ATP8A1: variants seen among roughly 807,000 people sequenced by gnomAD.
The protein encoded by ATP8A1 is ATPase phospholipid transporting 8A1.
Under a neutral mutation model 177.7 loss-of-function variants are expected in ATP8A1, and 90 were observed. The observed-to-expected ratio is 0.51, with a 90% CI of 0.43 to 0.60. The LOEUF (loss-of-function observed/expected upper bound fraction) is 0.60. ATP8A1 is among the 20% of genes least tolerant of loss of function. ATP8A1 has a pLI of 0.00. For missense variants in ATP8A1, 1,072 were observed against 1,392.8 expected, an observed-to-expected ratio of 0.77 and a Z score of 3.67; for synonymous variants, 493 against 485.9, an observed-to-expected ratio of 1.01 and a Z score of -0.19.
At chr4:42,458,604 T>C (rs939294715) in intron 27 of ATP8A1, among the ~76,000 whole-genome samples, 10 of 152,338 alleles carry the variant, frequency 6.6e-5, no homozygotes, top group African/African-American at 2.4e-4. Flanking sequence ...GCCAAATCTG[T>C]ATTCGTCTGG....
chr4:42,617,513 G>C (rs2109457250), intron 4 of ATP8A1, among the ~76,000 whole-genome samples: 1 of 152,274 alleles, frequency 6.6e-6, no homozygotes, highest in Non-Finnish European at 1.5e-5. Flanking sequence ...TGTAGTTACA[G>C]AACTTTGAAA....
rs1356574731 is a variant in ATP8A1 at position 42,556,058 on chromosome 4, T to C, written c.1341-18A>G. The C allele has an allele frequency of 1.3e-6, 2 of 1,585,486 alleles. No individual in the cohort carries two copies. Among genetic ancestry groups the C allele is most frequent in the Non-Finnish European group, 1.7e-6 (2 of 1,156,540 alleles). ...AGTTCTGCCTGAAGGGGGTAAAAAA[T>C]AGAGTAAACCCAGTTCATTTATACC... On this transcript the variant is annotated intron_variant, in intron 15 of 36. Transcript: ENST00000381668.
Position 42,412,110 on chromosome 4 carries a change from A to G in ATP8A1, c.*806T>C, listed in dbSNP as rs887738362. The G allele has an allele frequency of 5.3e-5, 8 of 152,220 alleles. No homozygotes were observed. Among genetic ancestry groups the G allele is most frequent in the African/African-American group, 1.7e-4 (7 of 41,446 alleles). 9.4% of individuals were successfully genotyped at this position (152,220 alleles called of 1,614,324 possible). On this transcript the variant is annotated 3_prime_UTR_variant, in exon 37 of 37. Coordinates refer to ENST00000381668, the MANE Select transcript of ATP8A1 (RefSeq NM_006095.2). ...TTCATCAGAAATACCTGAAACATAC[A>G]TAGTTTGAAAAATCAGTGTCATAAC...
chr4:42,507,789 A>AC (rs1337252335), intron 22 of ATP8A1, among the ~76,000 whole-genome samples: 3 of 132,480 alleles, frequency 2.3e-5, no homozygotes, highest in African/African-American at 7.9e-5. Context: ...CTAAAAAAAA[A>AC]AAAAAAAAAA....
At chr4:42,524,099 C>T (rs980291430) in intron 21 of ATP8A1, among the ~76,000 whole-genome samples, 1 of 152,166 alleles carries the variant, frequency 6.6e-6, no homozygotes, top group Non-Finnish European at 1.5e-5. Flanking sequence ...AACTGACTCT[C>T]ATGTTTAACA....
intron 1 of ATP8A1, among the ~76,000 whole-genome samples, chr4:42,634,837 T>C (rs552019186): frequency 2.6e-5 from 4 of 152,320 alleles, no homozygotes; most frequent in Non-Finnish European, 5.9e-5. Context: ...ATTCAGATTA[T>C]AACACTTCTA....
chr4:42,564,866 T>C (rs1731197840), intron 15 of ATP8A1, among the ~76,000 whole-genome samples: 1 of 152,154 alleles, frequency 6.6e-6, no homozygotes, highest in Non-Finnish European at 1.5e-5. Flanking sequence ...CCCACCCAAA[T>C]CTCACCTTGA....
chr4:42,421,563 C>T (rs777954109), intron 35 of ATP8A1, among the ~76,000 whole-genome samples: 8 of 152,056 alleles, frequency 5.3e-5, no homozygotes, highest in African/African-American at 1.2e-4. Flanking sequence ...GCACCTGGCA[C>T]GAAGTGAGCG....
chr4:42,457,485 G>T (rs994580199), intron 27 of ATP8A1, among the ~76,000 whole-genome samples: 6 of 152,112 alleles, frequency 3.9e-5, no homozygotes, highest in Admixed American at 2.0e-4. Flanking sequence ...TCCAATTATG[G>T]CCTCTCTAAT....
intron 1 of ATP8A1, 139 bp downstream of exon 1, chr4:42,656,686 C>A: frequency 2.0e-6 from 2 of 1,002,368 alleles, no homozygotes; most frequent in East Asian, 3.2e-5. Context: ...GGGGAAGGGT[C>A]CCCTAGGGGC....
intron 20 of ATP8A1, among the ~76,000 whole-genome samples, chr4:42,542,463 C>T (rs1045383897): frequency 6.6e-6 from 1 of 151,938 alleles, no homozygotes; most frequent in Non-Finnish European, 1.5e-5. Context: ...TATTATTATA[C>T]TTTAAGTTCT....
At chr4:42,569,361 C>G (rs953543523) in intron 14 of ATP8A1, among the ~76,000 whole-genome samples, 156 bp from the exon 15 acceptor site, 1 of 152,160 alleles carries the variant, frequency 6.6e-6, no homozygotes, top group Non-Finnish European at 1.5e-5. Context: ...GCAGTTAGTA[C>G]AGCAAATAGA....
At chr4:42,446,754 T>C in intron 30 of ATP8A1, 110 bp from the exon 31 acceptor site, 3 of 877,084 alleles carry the variant, frequency 3.4e-6, no homozygotes, top group South Asian at 1.7e-5. Context: ...GGATACACAA[T>C]GGAGCCAGAA....
chr4:42,636,733 G>A (rs2109531216), intron 1 of ATP8A1, among the ~76,000 whole-genome samples: 1 of 152,252 alleles, frequency 6.6e-6, no homozygotes, highest in South Asian at 2.1e-4. Flanking sequence ...ACAGCCCATT[G>A]CTTTCCTTTG....
intron 18 of ATP8A1, among the ~76,000 whole-genome samples, chr4:42,550,753 T>G (rs1729422512): frequency 6.6e-6 from 1 of 152,210 alleles, no homozygotes; most frequent in Non-Finnish European, 1.5e-5. Flanking sequence ...TGGTCTTAAT[T>G]GTATCTCCCC....
At chr4:42,580,463 T>C (rs896881938) in intron 10 of ATP8A1, among the ~76,000 whole-genome samples, 1 of 152,226 alleles carries the variant, frequency 6.6e-6, no homozygotes, top group Admixed American at 6.5e-5. Context: ...ATTGTTTTAC[T>C]GAACGCAGCA....
chr4:42,546,936 T>C (rs1728997028), intron 19 of ATP8A1, among the ~76,000 whole-genome samples: 1 of 152,224 alleles, frequency 6.6e-6, no homozygotes, highest in Admixed American at 6.5e-5. Context: ...CTTACCCTCA[T>C]GGCTTAATCT....
chr4:42,477,800 T>C (rs1721234849), intron 25 of ATP8A1, among the ~76,000 whole-genome samples: 1 of 138,050 alleles, frequency 7.2e-6, no homozygotes, highest in Non-Finnish European at 1.6e-5. Context: ...AGGCAGACCC[T>C]GTCTCTAAAA....
intron 24 of ATP8A1, among the ~76,000 whole-genome samples, chr4:42,492,278 G>A (rs1389809682): frequency 1.3e-5 from 2 of 151,970 alleles, no homozygotes; most frequent in African/African-American, 4.8e-5. Flanking sequence ...TTACAAGGAG[G>A]ATTCTATTCC....
Sources: allele counts gnomAD v4.1 joint callset (sites outside exome capture counted in the v4.1 genomes callset), GRCh38; gene constraint gnomAD v4.1.1; transcripts MANE v1.5; gene names NCBI Gene and HGNC (gene_info 2026-07-23, HGNC 2026-07-21).